CSMD1: variants seen among roughly 807,000 people sequenced by gnomAD.
CSMD1 encodes the protein CUB and Sushi multiple domains 1, also known as CUB and sushi domain-containing protein 1.
CSMD1 carries 213 observed loss-of-function variants against 417.5 expected under a neutral mutation model. The ratio of observed to expected loss-of-function variants is 0.51; its 90% CI spans 0.46 to 0.57. The LOEUF is 0.57. Ranked by LOEUF, CSMD1 falls within the 20% of genes least tolerant of loss-of-function variation. The probability of loss-of-function intolerance (pLI) is 0.00; values close to 1 mark genes in which losing one functional copy is unlikely to be tolerated. For synonymous variants in CSMD1, 2,862 were observed against 1,736.8 expected, an observed-to-expected ratio of 1.65 and a Z score of -16.11; for missense variants, 6,923 against 4,529.7, an observed-to-expected ratio of 1.53 and a Z score of -15.17.
chr8:4,880,666 A>G (rs964191895), intron 1 of CSMD1, among the ~76,000 whole-genome samples: 3 of 152,000 alleles, frequency 2.0e-5, no homozygotes, highest in African/African-American at 7.3e-5. Context: ...GGAAGTGGAG[A>G]CAGAGAGACT....
At chr8:4,814,056 G>C (rs1275945349) in intron 1 of CSMD1, among the ~76,000 whole-genome samples, 1 of 152,166 alleles carries the variant, frequency 6.6e-6, no homozygotes, top group South Asian at 2.1e-4. Flanking sequence ...GTACAGTTTT[G>C]ATGGCAATAA....
intron 6 of CSMD1, among the ~76,000 whole-genome samples, chr8:3,715,718 T>G (rs1466864685): frequency 6.6e-6 from 1 of 152,124 alleles, no homozygotes. Flanking sequence ...ATTTTTTGTA[T>G]TTTTAGTAGA....
chr8:4,835,587 C>G (rs1563540110), intron 1 of CSMD1, among the ~76,000 whole-genome samples: 1 of 152,162 alleles, frequency 6.6e-6, no homozygotes, highest in Non-Finnish European at 1.5e-5. Flanking sequence ...TATCCTAACA[C>G]AAATTTTATC....
chr8:4,190,837 C>T (rs1439937051), intron 3 of CSMD1, among the ~76,000 whole-genome samples: 3 of 151,958 alleles, frequency 2.0e-5, no homozygotes, highest in Non-Finnish European at 4.4e-5. Context: ...CCTTCGCAAA[C>T]TGATGCAGGA....
chr8:4,072,719 T>C (rs996429192), intron 3 of CSMD1, among the ~76,000 whole-genome samples: 1 of 152,188 alleles, frequency 6.6e-6, no homozygotes, highest in Non-Finnish European at 1.5e-5. Flanking sequence ...AATACAGAAA[T>C]GAACAAAGTG....
At chr8:4,201,008 G>C (rs1463330843) in intron 3 of CSMD1, among the ~76,000 whole-genome samples, 1 of 152,140 alleles carries the variant, frequency 6.6e-6, no homozygotes, top group Non-Finnish European at 1.5e-5. Flanking sequence ...GTTCATATCA[G>C]TGTGGAAGGC....
At position 4,637,483 on chromosome 8, in the gene CSMD1, T is replaced by A. The variant is rs1802892518; in HGVS notation, c.161A>T (p.Asn54Ile). ...ESPGFPHGYP[N>I]YANCTWIIIT... ...GATGATCCAGGTGCAGTTGGCATAG[T>A]TCGGATACCCGTGAGGAAACCCTGG... Residue 54 changes from asparagine (N) to isoleucine (I), a missense_variant, in exon 2 of 70, where the codon AAC (asparagine) becomes ATC (isoleucine). Asn to Ile is a moderately radical substitution (Grantham distance 149, BLOSUM62 -3). Transcript: ENST00000635120. 6.2e-7 allele frequency: 1 copy of A among 1,613,758 alleles called. No individual in the cohort carries two copies. The highest frequency in any genetic ancestry group is 1.3e-5 in the African/African-American group (1 of 74,876).
intron 65 of CSMD1, 77 bp from the exon 66 acceptor site, chr8:2,951,352 CA>C (rs1802616605): frequency 7.1e-7 from 1 of 1,403,684 alleles, no homozygotes; most frequent in Admixed American, 2.4e-5. Context: ...ACACAGAAGG[CA>C]TCATACTGCT....
intron 10 of CSMD1, among the ~76,000 whole-genome samples, chr8:3,508,065 G>C (rs1371866320): frequency 1.3e-5 from 2 of 152,062 alleles, no homozygotes; most frequent in Non-Finnish European, 2.9e-5. Flanking sequence ...TGGTGTTTTA[G>C]ACATGAGGTC....
intron 2 of CSMD1, among the ~76,000 whole-genome samples, chr8:4,470,100 G>A (rs193045113): frequency 2.1e-3 from 314 of 152,062 alleles, no homozygotes; most frequent in Non-Finnish European, 2.3e-3. Flanking sequence ...TCGATCTCCT[G>A]ATCTCGTGAT....
At chr8:3,771,793 C>G (rs530851965) in intron 5 of CSMD1, among the ~76,000 whole-genome samples, 2 of 152,142 alleles carry the variant, frequency 1.3e-5, no homozygotes, top group Non-Finnish European at 2.9e-5. Context: ...GGAAAGAACT[C>G]TGGGAACCCT....
At chr8:4,992,769 A>G (rs1159616850) in intron 1 of CSMD1, among the ~76,000 whole-genome samples, 2 of 152,238 alleles carry the variant, frequency 1.3e-5, no homozygotes, top group Non-Finnish European at 2.9e-5. Context: ...CGGCCAAGGC[A>G]TCCGGACTGA....
chr8:4,655,776 A>C (rs1804193002), intron 1 of CSMD1, among the ~76,000 whole-genome samples: 1 of 152,160 alleles, frequency 6.6e-6, no homozygotes. Flanking sequence ...ATTTACGTTG[A>C]TATAATATCA....
At chr8:4,006,612 C>T (rs1479613577) in intron 4 of CSMD1, among the ~76,000 whole-genome samples, 1 of 152,116 alleles carries the variant, frequency 6.6e-6, no homozygotes, top group Non-Finnish European at 1.5e-5. Flanking sequence ...TGATCCTTCC[C>T]CTTGTCAAAT....
intron 4 of CSMD1, among the ~76,000 whole-genome samples, chr8:4,011,232 G>C (rs1328741765): frequency 1.3e-5 from 2 of 152,148 alleles, no homozygotes; most frequent in African/African-American, 4.8e-5. Context: ...CTCTGATCAA[G>C]TTTTTAAGCC....
In CSMD1 at chr8:4,077,163, C is replaced by A. The variant is rs1001267159; in HGVS notation, c.416-45064G>T. Among the ~76,000 whole-genome samples, 163 of 151,414 alleles carry A rather than the reference C, an allele frequency of 1.1e-3. 2 individuals carry two copies. The highest frequency in any genetic ancestry group is 3.4e-3 in the Middle Eastern group (1 of 292). ...AAGTTAAATGACGCATCCAACTGCA[C>A]CCAATGGGTAAAAACTGGTGTAGAG... On this transcript the variant is annotated intron_variant, in intron 3 of 69. Transcript: ENST00000635120.
In CSMD1 at chr8:3,052,491, C is replaced by T. The variant is rs1418992252; in HGVS notation, c.7631G>A (p.Ser2544Asn). Residue 2544 changes from serine to asparagine, a missense_variant, in exon 50 of 70, where the codon AGT becomes AAT. Transcript: ENST00000635120. Reference protein sequence around the residue: ...TAVCQEDGLWSNKGKPPTCKP... With the variant: ...TAVCQEDGLWNNKGKPPTCKP... ...ACACGTGGGCGGCTTCCCCTTGTTA[C>T]TCCACAACCCATCTTCTTGACACAC... The T allele has an allele frequency of 3.1e-6, 5 of 1,589,930 alleles. No individual in the cohort carries two copies. Among genetic ancestry groups the T allele is most frequent in the South Asian group, 1.1e-5 (1 of 87,082 alleles).
chr8:3,743,734 C>A (rs1174487607), intron 6 of CSMD1, among the ~76,000 whole-genome samples: 2 of 152,124 alleles, frequency 1.3e-5, no homozygotes, highest in Non-Finnish European at 2.9e-5. Context: ...TCGTTACTCC[C>A]AGGTGTTTCT....
intron 5 of CSMD1, among the ~76,000 whole-genome samples, chr8:3,963,340 G>C (rs558829060): frequency 8.5e-5 from 13 of 152,178 alleles, no homozygotes; most frequent in African/African-American, 3.1e-4. Flanking sequence ...TAAATATGTT[G>C]GAAAGAACGT....
Sources: gnomAD v4.1 joint callset for allele counts (sites outside exome capture counted in the v4.1 genomes callset) on GRCh38, gnomAD v4.1.1 for gene constraint, MANE v1.5 for transcripts, NCBI Gene and HGNC (gene_info 2026-07-23, HGNC 2026-07-21) for gene names.